Variants in SNF8 observed in about 807,000 individuals in gnomAD.
SNF8 encodes vacuolar-sorting protein SNF8.
SNF8 carries 19 observed loss-of-function variants against 36.8 expected under a neutral mutation model. The ratio of observed to expected loss-of-function variants is 0.52; its 90% CI spans 0.36 to 0.76. SNF8 has a LOEUF of 0.76. Among genes scored for constraint, SNF8 ranks in the 30% least tolerant of loss-of-function variants. SNF8 has a pLI of 0.00. For missense variants in SNF8, 268 were observed against 322.9 expected (o/e 0.83, Z 1.30); for synonymous variants, 127 against 127.4 (o/e 1.00, Z 0.02).
In SNF8 at chr17:48,929,662, G is replaced by A. The variant is rs770401852; in HGVS notation, c.*813C>T. 2.0e-5 allele frequency: 3 copies of A among 152,282 alleles called. No homozygotes were observed. Among genetic ancestry groups the A allele is most frequent in the Non-Finnish European group, 2.9e-5 (2 of 68,024 alleles). 9.4% of individuals were successfully genotyped at this position (152,282 alleles called of 1,614,324 possible). The stretch of plus-strand genomic sequence containing the variant: ...CAGTGATACATGAAGGCATGGGCTC[G>A]GGTTAATAGGCCTAGGCACCAGCTT... On this transcript the variant is annotated 3_prime_UTR_variant, in exon 8 of 8. Coordinates refer to ENST00000502492, the MANE Select transcript of SNF8 (RefSeq NM_007241.4).
At position 48,944,757 on chromosome 17, in the gene SNF8, GCCCGGCTGC is replaced by G; in HGVS notation, c.-32_-24del. The G allele has an allele frequency of 6.3e-7, 1 of 1,589,330 alleles. No individual in the cohort carries two copies. The highest frequency in any genetic ancestry group is 8.5e-7 in the Non-Finnish European group (1 of 1,171,768). ...CATCCCCACCCTGGGCCCGCGGGCC[GCCCGGCTGC>G]CGGGACCCCGGGTCTCCACGTCCCG... On this transcript the variant is annotated 5_prime_UTR_variant, in exon 1 of 8. Transcript: ENST00000502492.
Position 48,937,045 on chromosome 17 carries a change from G to A in SNF8, c.324C>T (p.Cys108=), listed in dbSNP as rs185256464. ...CTCCATTCCGATGCTTCAGCGCCAG[G>A]CACACTTCGATAATTTGGACACCTA... ...YELGVQIIEV[C]LALKHRNGGL... is the part of the protein sequence containing the mutation. Residue 108 remains cysteine (C), a synonymous_variant, in exon 4 of 8, where the codon TGC becomes TGT. Coordinates refer to ENST00000502492, the MANE Select transcript of SNF8 (RefSeq NM_007241.4). The A allele has an allele frequency of 9.9e-6, 16 of 1,613,840 alleles. No homozygotes were observed. Among genetic ancestry groups the A allele is most frequent in the Non-Finnish European group, 5.1e-6 (6 of 1,179,786 alleles).
At chr17:48,941,747 C>G (rs1598093239) in intron 2 of SNF8, among the ~76,000 whole-genome samples, 1 of 151,762 alleles carries the variant, frequency 6.6e-6, no homozygotes, top group South Asian at 2.1e-4. Flanking sequence ...TTGGAGTGCA[C>G]TGGCACAATC....
At chr17:48,931,242 C>T (rs1340623779) in intron 7 of SNF8, among the ~76,000 whole-genome samples, 1 of 152,090 alleles carries the variant, frequency 6.6e-6, no homozygotes, top group African/African-American at 2.4e-5. Flanking sequence ...ATATATAAAG[C>T]TAGAGTATAT....
intron 2 of SNF8, among the ~76,000 whole-genome samples, chr17:48,942,602 A>C (rs1243664087): frequency 6.6e-6 from 1 of 152,154 alleles, no homozygotes; most frequent in East Asian, 1.9e-4. Context: ...CATCACTCAC[A>C]CACTGTCCTG....
chr17:48,934,577 C>CTGGGATA, intron 5 of SNF8: 1 of 160,044 alleles, frequency 6.2e-6, no homozygotes, highest in Non-Finnish European at 1.4e-5. Context: ...GCGCTCCAGC[C>CTGGGATA]TAGACAACAG....
chr17:48,941,383 A>G (rs2041021261), intron 2 of SNF8, among the ~76,000 whole-genome samples: 1 of 152,216 alleles, frequency 6.6e-6, no homozygotes, highest in Admixed American at 6.5e-5. Flanking sequence ...AGAAAAAGGT[A>G]TATATATAAT....
chr17:48,932,899 A>T (rs1240911572), intron 6 of SNF8: 2 of 287,136 alleles, frequency 7.0e-6, no homozygotes, highest in Non-Finnish European at 1.3e-5. Context: ...GTTTCAAAAG[A>T]CATCAAAGAG....
chr17:48,941,510 C>T (rs991991598), intron 2 of SNF8, among the ~76,000 whole-genome samples: 3 of 151,984 alleles, frequency 2.0e-5, no homozygotes, highest in African/African-American at 4.8e-5. Context: ...ATCTTTACCC[C>T]CCCCAGCCGA....
At chr17:48,941,424 C>T (rs930101162) in intron 2 of SNF8, among the ~76,000 whole-genome samples, 3 of 151,830 alleles carry the variant, frequency 2.0e-5, no homozygotes, top group Non-Finnish European at 2.9e-5. Context: ...CCCAGAAAAA[C>T]GTATTAATTT....
At chr17:48,937,433 G>A (rs1044488745) in intron 3 of SNF8, 20 of 418,782 alleles carry the variant, frequency 4.8e-5, no homozygotes, top group African/African-American at 4.1e-4. Flanking sequence ...TTCAAGACCA[G>A]CCTGGCCAAC....
At chr17:48,936,036 T>TTG in intron 5 of SNF8, 134 bp downstream of exon 5, 5 of 613,390 alleles carry the variant, frequency 8.2e-6, no homozygotes, top group Non-Finnish European at 1.1e-5. Context: ...TTTTTGTTTT[T>TTG]TTTTTTCCTG....
At chr17:48,944,364 CA>C (rs1182915000) in intron 1 of SNF8, among the ~76,000 whole-genome samples, 17 of 152,226 alleles carry the variant, frequency 1.1e-4, no homozygotes, top group Admixed American at 6.5e-4. Context: ...TGTGCTGCCA[CA>C]GCTTTGGGAT....
intron 5 of SNF8, among the ~76,000 whole-genome samples, chr17:48,934,982 G>A (rs1272742345): frequency 2.0e-5 from 3 of 152,184 alleles, no homozygotes; most frequent in Non-Finnish European, 2.9e-5. Context: ...TGGAGAACTA[G>A]ATCAATTTAT....
At chr17:48,933,441 T>G in intron 5 of SNF8, 95 bp from the exon 6 acceptor site, 1 of 1,396,134 alleles carries the variant, frequency 7.2e-7, no homozygotes, top group Non-Finnish European at 1.0e-6. Context: ...GACAGAAAAT[T>G]TAGAAGACTG....
At chr17:48,931,504 G>A in intron 7 of SNF8, 139 bp downstream of exon 7, 1 of 690,202 alleles carries the variant, frequency 1.4e-6, no homozygotes. Flanking sequence ...AGAAGTGCTG[G>A]GCTTCCTTCT....
At chr17:48,936,063 TAC>T in intron 5 of SNF8, 105 bp downstream of exon 5, 1 of 762,630 alleles carries the variant, frequency 1.3e-6, no homozygotes, top group South Asian at 1.6e-5. Flanking sequence ...ATGGAGATCA[TAC>T]AGATTTCTAA....
intron 2 of SNF8, among the ~76,000 whole-genome samples, chr17:48,941,766 C>A (rs2041030456): frequency 6.6e-6 from 1 of 152,034 alleles, no homozygotes; most frequent in Admixed American, 6.6e-5. Flanking sequence ...TCTCAGCTCA[C>A]TGCAACCTTC....
intron 6 of SNF8, chr17:48,931,932 T>A (rs2040865693): frequency 2.3e-6 from 1 of 432,100 alleles, no homozygotes. Flanking sequence ...AAAACTGGGG[T>A]ACCGGCCAGG....
Sources: gnomAD v4.1 joint callset for allele counts (sites outside exome capture counted in the v4.1 genomes callset) on GRCh38, gnomAD v4.1.1 for gene constraint, MANE v1.5 for transcripts, NCBI Gene and HGNC (gene_info 2026-07-23, HGNC 2026-07-21) for gene names.